Variants in NCAM1 observed in about 807,000 individuals in gnomAD.
The protein encoded by NCAM1 is neural cell adhesion molecule 1, also known as antigen recognized by monoclonal antibody 5.1H11.
NCAM1 carries 14 observed loss-of-function variants against 109.8 expected under a neutral mutation model. That is an observed-to-expected ratio of 0.13 (90% CI 0.08 to 0.20). The LOEUF is 0.20. Ranked by LOEUF, NCAM1 falls within the 10% of genes least tolerant of loss-of-function variation. The probability of loss-of-function intolerance (pLI) is 1.00; values close to 1 mark genes in which losing one functional copy is unlikely to be tolerated. For missense variants in NCAM1, 774 were observed against 1,109.9 expected (o/e 0.70, Z 4.30); for synonymous variants, 418 against 442.9 (o/e 0.94, Z 0.70).
At chr11:113,202,301 T>C in intron 1 of NCAM1, 78 bp from the exon 2 acceptor site, 1 of 1,372,810 alleles carries the variant, frequency 7.3e-7, no homozygotes, top group Non-Finnish European at 9.9e-7. Context: ...TTCTTGAACA[T>C]TGGAATGTAC....
chr11:113,205,731 C>A, intron 4 of NCAM1, 65 bp downstream of exon 4: 1 of 1,568,988 alleles, frequency 6.4e-7, no homozygotes, highest in South Asian at 1.2e-5. Context: ...GCTTTTTCAC[C>A]TGTACTGAGG....
intron 9 of NCAM1, among the ~76,000 whole-genome samples, chr11:113,225,153 C>T (rs1944805204): frequency 1.3e-5 from 2 of 152,132 alleles, no homozygotes; most frequent in South Asian, 4.1e-4. Flanking sequence ...GGAGGAAGTT[C>T]GAACCCATGG....
intron 1 of NCAM1, among the ~76,000 whole-genome samples, chr11:113,082,180 G>A (rs994480895): frequency 1.3e-5 from 2 of 152,108 alleles, no homozygotes; most frequent in African/African-American, 2.4e-5. Flanking sequence ...ACTTCAGCTC[G>A]ACAATGGCCA....
chr11:113,012,963 A>G (rs1299750057), intron 1 of NCAM1, among the ~76,000 whole-genome samples: 4 of 152,180 alleles, frequency 2.6e-5, no homozygotes, highest in African/African-American at 9.7e-5. Context: ...ATACTTTCAA[A>G]TGGTTCCTCA....
chr11:113,038,881 T>A (rs1276338411), intron 1 of NCAM1, among the ~76,000 whole-genome samples: 1 of 152,182 alleles, frequency 6.6e-6, no homozygotes, highest in Non-Finnish European at 1.5e-5. Flanking sequence ...GTTCTGTGCT[T>A]TCTTGGGAGA....
chr11:113,150,283 C>T (rs1175069585), intron 1 of NCAM1, among the ~76,000 whole-genome samples: 1 of 151,950 alleles, frequency 6.6e-6, no homozygotes, highest in African/African-American at 2.4e-5. Context: ...TGGATTGGGC[C>T]ATCATTCTAG....
At chr11:113,009,336 T>TG (rs1951981471) in intron 1 of NCAM1, among the ~76,000 whole-genome samples, 1 of 143,196 alleles carries the variant, frequency 7.0e-6, no homozygotes, top group East Asian at 2.1e-4. Context: ...TTTTTTTTTT[T>TG]TTTTTATTGA....
chr11:113,102,144 T>C (rs532669873), intron 1 of NCAM1, among the ~76,000 whole-genome samples: 11 of 152,360 alleles, frequency 7.2e-5, no homozygotes, highest in Non-Finnish European at 8.8e-5. Context: ...GAATAATCAT[T>C]ACATTTTTTA....
chr11:113,124,581 T>C (rs564552054), intron 1 of NCAM1, among the ~76,000 whole-genome samples: 152 of 152,350 alleles, frequency 1.0e-3, no homozygotes, highest in African/African-American at 3.4e-3. Context: ...AGTCTTGCGG[T>C]TCATTACATA....
Position 113,263,893 on chromosome 11 carries a change from A to G in NCAM1, c.2131+3570A>G, listed in dbSNP as rs7946128. The G allele has an allele frequency of 5.3e-3, 5,240 of 985,506 alleles. 101 individuals carry two copies. In the African/African-American group the frequency reaches 0.053, roughly 10 times the overall value. 61.0% of individuals were successfully genotyped at this position (985,506 alleles called of 1,614,324 possible). A position where few individuals can be genotyped will look rare whatever the true frequency, so the allele number is the denominator to read the frequency against. ...GACTGCCCAGCCCAGGAGGGTTAAT[A>G]AATTGGGGCCGAGCCAACCTGTCAG... On this transcript the variant is annotated intron_variant, in intron 17 of 19. Transcript: ENST00000316851.
chr11:113,102,481 C>T (rs1591326407), intron 1 of NCAM1, among the ~76,000 whole-genome samples: 1 of 152,134 alleles, frequency 6.6e-6, no homozygotes, highest in South Asian at 2.1e-4. Context: ...ACTAGTCTTG[C>T]AATTCCTTTA....
intron 16 of NCAM1, among the ~76,000 whole-genome samples, chr11:113,256,240 C>A (rs1364230589): frequency 2.0e-5 from 3 of 152,136 alleles, no homozygotes; most frequent in African/African-American, 7.2e-5. Context: ...GGTGACAAAC[C>A]CATACCATGG....
At position 112,980,902 on chromosome 11, in the gene NCAM1, A is replaced by G. The variant is rs1391091854; in HGVS notation, c.52+19238A>G. Among the ~76,000 whole-genome samples the G allele has an allele frequency of 2.0e-5, 3 of 151,960 alleles. No homozygotes were observed. The East Asian group carries it at 5.8e-4, about 29-fold the overall frequency. The stretch of plus-strand genomic sequence containing the variant: ...AAGAACTATTGAATGTGAGCATGCT[A>G]AGATTACCCCTGGCAAAATGGAAAA... On this transcript the variant is annotated intron_variant, in intron 1 of 19. Transcript: ENST00000316851.
chr11:113,183,784 A>G (rs1429321133), intron 1 of NCAM1, among the ~76,000 whole-genome samples: 1 of 152,214 alleles, frequency 6.6e-6, no homozygotes, highest in Non-Finnish European at 1.5e-5. Flanking sequence ...CCTTGGGACC[A>G]GGAGGCTGCT....
chr11:112,976,511 C>A (rs190443795), intron 1 of NCAM1, among the ~76,000 whole-genome samples: 1 of 151,882 alleles, frequency 6.6e-6, no homozygotes, highest in Non-Finnish European at 1.5e-5. Context: ...TGTATGTCTG[C>A]GGCTGTCTGG....
chr11:112,961,553 CA>C lies in NCAM1; in HGVS notation c.-59del, dbSNP rs782430578. The stretch of plus-strand genomic sequence containing the variant: ...GCTCAGCCGCCGTCCACACTCGCTG[CA>C]GGGGGGGGGGCACAGAATTTACCGC... On this transcript the variant is annotated 5_prime_UTR_variant, in exon 1 of 20. Transcript: ENST00000316851. The C allele has an allele frequency of 5.0e-5, 53 of 1,067,324 alleles. No homozygotes were observed. Among genetic ancestry groups the C allele is most frequent in the Middle Eastern group, 2.0e-4 (1 of 4,942 alleles). 66.1% of individuals were successfully genotyped at this position (1,067,324 alleles called of 1,614,324 possible).
intron 1 of NCAM1, among the ~76,000 whole-genome samples, chr11:113,146,021 T>G (rs1342610449): frequency 6.6e-6 from 1 of 152,230 alleles, no homozygotes; most frequent in Non-Finnish European, 1.5e-5. Context: ...GGCCTTGGTT[T>G]GCTCTGCCCC....
intron 11 of NCAM1, 106 bp downstream of exon 11, chr11:113,232,460 G>A: frequency 8.3e-7 from 1 of 1,208,764 alleles, no homozygotes; most frequent in Non-Finnish European, 1.2e-6. Flanking sequence ...GGCACATCCT[G>A]AGCAGGGAAG....
intron 1 of NCAM1, among the ~76,000 whole-genome samples, chr11:113,036,136 C>T (rs553948063): frequency 3.4e-4 from 51 of 152,170 alleles, no homozygotes; most frequent in Admixed American, 1.7e-3. Context: ...TTTCCACACT[C>T]CCCAAGCCCC....
Sources: gnomAD v4.1 joint callset for allele counts (sites outside exome capture counted in the v4.1 genomes callset) on GRCh38, gnomAD v4.1.1 for gene constraint, MANE v1.5 for transcripts, NCBI Gene and HGNC (gene_info 2026-07-23, HGNC 2026-07-21) for gene names.